Variants in RELCH observed in about 807,000 individuals in gnomAD.
The protein encoded by RELCH is RAB11-binding protein RELCH.
In RELCH, 41 loss-of-function variants were observed where a neutral mutation model predicts 150.3. That is an observed-to-expected ratio of 0.27 (90% confidence interval 0.21 to 0.35). RELCH has a LOEUF of 0.35. Ranked by LOEUF, RELCH falls within the 10% of genes least tolerant of loss-of-function variation. The pLI is 1.00. For synonymous variants in RELCH, 478 were observed against 531.8 expected, an observed-to-expected ratio of 0.90 and a Z score of 1.39; for missense variants, 1,092 against 1,467.8, an observed-to-expected ratio of 0.74 and a Z score of 4.18.
intron 5 of RELCH, among the ~76,000 whole-genome samples, chr18:62,223,078 A>C (rs2040985160): frequency 6.6e-6 from 1 of 152,042 alleles, no homozygotes; most frequent in African/African-American, 2.4e-5. Flanking sequence ...AAACTAAAAA[A>C]AGAAAACCAA....
chr18:62,203,459 A>C (rs1198878533), intron 1 of RELCH, among the ~76,000 whole-genome samples: 1 of 152,236 alleles, frequency 6.6e-6, no homozygotes, highest in Admixed American at 6.5e-5. Context: ...CTGTCTCAAA[A>C]AAAAAGAATG....
At chr18:62,261,796 C>T (rs1568397419) in intron 16 of RELCH, 138 bp downstream of exon 16, 3 of 665,350 alleles carry the variant, frequency 4.5e-6, no homozygotes, top group Non-Finnish European at 7.3e-6. Flanking sequence ...TGTAGAATCT[C>T]ATGGTCATAA....
chr18:62,216,841 C>A (rs2040504602), intron 2 of RELCH, among the ~76,000 whole-genome samples: 1 of 104,884 alleles, frequency 9.5e-6, no homozygotes, highest in African/African-American at 3.8e-5. Context: ...TTAAATAAGC[C>A]TATTTGGCTT....
intron 17 of RELCH, 51 bp from the exon 18 acceptor site, chr18:62,264,678 A>T: frequency 7.3e-7 from 1 of 1,375,370 alleles, no homozygotes; most frequent in Non-Finnish European, 1.0e-6. Context: ...TGGCAAGGAA[A>T]CAGTAATTTA....
At chr18:62,249,320 T>C (rs546134526) in intron 11 of RELCH, among the ~76,000 whole-genome samples, 28 of 152,298 alleles carry the variant, frequency 1.8e-4, no homozygotes, top group Admixed American at 5.2e-4. Context: ...AAACTTCTTT[T>C]CTGCAATTAT....
Position 62,268,318 on chromosome 18 carries a change from C to T in RELCH, c.2681-551C>T, listed in dbSNP as rs1464799099. Reference sequence around the variant, plus strand: ...CAGGGCACAGAACTATGGTTGCATACTTTCCCCTTTTTCTCTGCTTTACTT... The same window carrying T: ...CAGGGCACAGAACTATGGTTGCATATTTTCCCCTTTTTCTCTGCTTTACTT... On this transcript the variant is annotated intron_variant, in intron 19 of 28. Coordinates refer to ENST00000644646, the MANE Select transcript of RELCH (RefSeq NM_001346231.2). Among the ~76,000 whole-genome samples the T allele has an allele frequency of 2.0e-5, 3 of 152,180 alleles. No homozygotes were observed. The East Asian group carries it at 5.8e-4, about 29-fold the overall frequency.
chr18:62,219,769 C>A (rs1044052370), intron 2 of RELCH, among the ~76,000 whole-genome samples: 4 of 151,912 alleles, frequency 2.6e-5, no homozygotes, highest in Non-Finnish European at 5.9e-5. Context: ...AAATAATTGG[C>A]CTTTGTGTAC....
intron 26 of RELCH, among the ~76,000 whole-genome samples, chr18:62,290,451 A>AGGCTG (rs1196059885): frequency 4.6e-5 from 7 of 152,198 alleles, no homozygotes; most frequent in Non-Finnish European, 1.0e-4. Flanking sequence ...GAATCACTTG[A>AGGCTG]ACCCAGGAGG....
At chr18:62,295,073 T>C (rs2045338907) in intron 27 of RELCH, among the ~76,000 whole-genome samples, 1 of 152,232 alleles carries the variant, frequency 6.6e-6, no homozygotes, top group African/African-American at 2.4e-5. Flanking sequence ...TGTCCTTTTT[T>C]AGAAATGTTT....
At chr18:62,262,675 T>C (rs951178689) in intron 16 of RELCH, among the ~76,000 whole-genome samples, 1 of 152,028 alleles carries the variant, frequency 6.6e-6, no homozygotes, top group East Asian at 1.9e-4. Flanking sequence ...AGCTGGCCAC[T>C]TCAGGTTCTA....
intron 1 of RELCH, among the ~76,000 whole-genome samples, chr18:62,201,695 A>G (rs1331384296): frequency 1.3e-5 from 2 of 152,220 alleles, no homozygotes; most frequent in South Asian, 4.1e-4. Context: ...ACATTAATGC[A>G]AATGTAAGCA....
chr18:62,206,633 G>A (rs1161735954), intron 1 of RELCH, among the ~76,000 whole-genome samples: 1 of 152,140 alleles, frequency 6.6e-6, no homozygotes, highest in East Asian at 1.9e-4. Flanking sequence ...CAATTTAACA[G>A]AGGGTTGACA....
At chr18:62,250,358 C>T (rs577942069) in intron 11 of RELCH, among the ~76,000 whole-genome samples, 3 of 152,234 alleles carry the variant, frequency 2.0e-5, no homozygotes, top group Middle Eastern at 3.4e-3. Flanking sequence ...GTGTTCAAAA[C>T]GCTTTTTAAG....
chr18:62,247,697 T>A (rs1399323592), intron 11 of RELCH, among the ~76,000 whole-genome samples: 1 of 151,998 alleles, frequency 6.6e-6, no homozygotes, highest in Non-Finnish European at 1.5e-5. Context: ...CAGGCATGCA[T>A]CACCATGCCT....
chr18:62,223,949 T>C (rs183698138), intron 5 of RELCH, among the ~76,000 whole-genome samples: 2 of 152,198 alleles, frequency 1.3e-5, no homozygotes, highest in African/African-American at 4.8e-5. Flanking sequence ...AGAAAACCTA[T>C]CACTAACATC....
rs148921376 is a variant in RELCH at position 62,283,402 on chromosome 18, T to C, written c.3253+958T>C. Among the ~76,000 whole-genome samples the C allele has an allele frequency of 4.4e-3, 669 of 152,328 alleles. 3 individuals are homozygous for C. The highest frequency in any genetic ancestry group is 0.015 in the African/African-American group (641 of 41,576). On this transcript the variant is annotated intron_variant, in intron 25 of 28. Transcript: ENST00000644646. ...AGCATATCAGTTATCATAGCTCTTTTATTTTTAGCAATTTGACATGCTCTA... is the reference window on the plus strand; with the variant it reads ...AGCATATCAGTTATCATAGCTCTTTCATTTTTAGCAATTTGACATGCTCTA...
rs748913163 is a variant in RELCH, at chr18:62,211,157, A to G, written c.531A>G (p.Arg177=). The G allele has an allele frequency of 1.3e-6, 2 of 1,571,312 alleles. No homozygotes were observed. Among genetic ancestry groups the G allele is most frequent in the African/African-American group, 2.7e-5 (2 of 73,958 alleles). ...STASGGGQLN[R]AGSISTLDSL... is the part of the protein sequence containing the mutation. The stretch of plus-strand genomic sequence containing the variant: ...TTATATTTCTCTTTATTATAGATCG[A>G]GCTGGGAGCATTAGTACCCTTGATT... Residue 177 remains arginine (R), a synonymous_variant, in exon 2 of 29, where the codon CGA becomes CGG. Coordinates refer to ENST00000644646, the MANE Select transcript of RELCH (RefSeq NM_001346231.2).
chr18:62,211,361 T>C, intron 2 of RELCH, 119 bp downstream of exon 2: 1 of 540,140 alleles, frequency 1.9e-6, no homozygotes, highest in Non-Finnish European at 3.2e-6. Flanking sequence ...ATAGTTATTA[T>C]ACAAAGTTAT....
chr18:62,270,816 C>T (rs1222841596), intron 20 of RELCH, among the ~76,000 whole-genome samples: 2 of 151,958 alleles, frequency 1.3e-5, no homozygotes, highest in Admixed American at 1.3e-4. Context: ...CACAACAGGC[C>T]TCGGGGTGTG....
Sources: gnomAD v4.1 joint callset for allele counts (sites outside exome capture counted in the v4.1 genomes callset) on GRCh38, gnomAD v4.1.1 for gene constraint, MANE v1.5 for transcripts, NCBI Gene and HGNC (gene_info 2026-07-23, HGNC 2026-07-21) for gene names.